The following ABLIM3 variants were observed in gnomAD, a reference collection of about 807,000 sequenced individuals.
The protein encoded by ABLIM3 is actin binding LIM protein family member 3, also known as actin-binding LIM protein 3.
Under a neutral mutation model 109.5 loss-of-function variants are expected in ABLIM3, and 61 were observed. The observed-to-expected ratio is 0.56, with a 90% CI of 0.45 to 0.69. The LOEUF is 0.69. Ranked by LOEUF, ABLIM3 falls within the 30% of genes least tolerant of loss-of-function variation. The pLI, the probability that ABLIM3 is intolerant of heterozygous loss-of-function variation, is 0.00. For missense variants in ABLIM3, 796 were observed against 889.5 expected (o/e 0.89, Z 1.34); for synonymous variants, 300 against 324.8 (o/e 0.92, Z 0.82).
intron 2 of ABLIM3, among the ~76,000 whole-genome samples, chr5:149,162,298 G>A (rs1340764542): frequency 6.6e-6 from 1 of 152,090 alleles, no homozygotes; most frequent in Non-Finnish European, 1.5e-5. Context: ...AGCTTTATTG[G>A]GGTTATAGGT....
chr5:149,251,423 A>C lies in ABLIM3; in HGVS notation c.1849+4A>C. The C allele has an allele frequency of 6.2e-7, 1 of 1,614,074 alleles. No individual in the cohort carries two copies. Among genetic ancestry groups the C allele is most frequent in the East Asian group, 2.2e-5 (1 of 44,876 alleles). On this transcript the variant is annotated splice_donor_region_variant and intron_variant, in intron 21 of 23. Coordinates refer to ENST00000309868, the MANE Select transcript of ABLIM3 (RefSeq NM_014945.5). ...GCAGTCAACTGGGGCATGCGAGGTG[A>C]GTGCAGGCCTGCAGGGGGTCTGCAG... is the stretch of plus-strand genomic sequence containing the variant.
chr5:149,183,623 A>C, intron 3 of ABLIM3, 34 bp downstream of exon 3: 1 of 1,493,356 alleles, frequency 6.7e-7, no homozygotes, highest in Non-Finnish European at 8.9e-7. Flanking sequence ...CTCTTCTTAG[A>C]TTCCTGACCA....
intron 2 of ABLIM3, among the ~76,000 whole-genome samples, chr5:149,178,535 C>A (rs955566622): frequency 2.0e-5 from 3 of 152,198 alleles, no homozygotes; most frequent in African/African-American, 7.2e-5. Flanking sequence ...AGCATAGGTG[C>A]TCCTACCTTT....
At chr5:149,142,233 C>G in intron 2 of ABLIM3, 125 bp downstream of exon 2, 1 of 1,381,174 alleles carries the variant, frequency 7.2e-7, no homozygotes, top group Non-Finnish European at 1.0e-6. Flanking sequence ...GACCCCCAGG[C>G]TCTTTTTTGG....
rs1754757277 is a variant in ABLIM3, at chr5:149,259,893, G to A, written c.*1489G>A. The A allele has an allele frequency of 2.6e-6, 1 of 379,006 alleles. No individual in the cohort carries two copies. Among genetic ancestry groups the A allele is most frequent in the African/African-American group, 2.1e-5 (1 of 48,674 alleles). 23.5% of individuals were successfully genotyped at this position (379,006 alleles called of 1,614,324 possible). ...CAAACCCTCACTGAGCACCTCTGAT[G>A]TTGAGCACCTGCTGAATACTGAGCA... On this transcript the variant is annotated 3_prime_UTR_variant, in exon 24 of 24. Coordinates refer to ENST00000309868, the MANE Select transcript of ABLIM3 (RefSeq NM_014945.5).
At chr5:149,196,501 A>G (rs1034641317) in intron 3 of ABLIM3, among the ~76,000 whole-genome samples, 5 of 152,182 alleles carry the variant, frequency 3.3e-5, no homozygotes, top group African/African-American at 1.2e-4. Flanking sequence ...ATCAATGTGG[A>G]TGAGAGGTGT....
At chr5:149,142,334 C>G (rs1203622196) in intron 2 of ABLIM3, among the ~76,000 whole-genome samples, 1 of 152,234 alleles carries the variant, frequency 6.6e-6, no homozygotes, top group Admixed American at 6.5e-5. Flanking sequence ...CGCCGGCCGC[C>G]TCTCCTGGGA....
At chr5:149,210,950 T>C in intron 7 of ABLIM3, 131 bp downstream of exon 7, 1 of 805,752 alleles carries the variant, frequency 1.2e-6, no homozygotes, top group Non-Finnish European at 2.1e-6. Flanking sequence ...CTTTGCTTGC[T>C]ACATGACCTT....
intron 2 of ABLIM3, among the ~76,000 whole-genome samples, chr5:149,162,104 CT>C (rs1754430876): frequency 6.6e-6 from 1 of 152,206 alleles, no homozygotes; most frequent in Admixed American, 6.5e-5. Flanking sequence ...ATGAGAAAGC[CT>C]TTGCGTTAGC....
At chr5:149,238,734 C>T (rs571579040) in intron 11 of ABLIM3, among the ~76,000 whole-genome samples, 1 of 152,316 alleles carries the variant, frequency 6.6e-6, no homozygotes, top group African/African-American at 2.4e-5. Flanking sequence ...GAACTGCTGC[C>T]CTCTTCAGTC....
At chr5:149,164,082 G>T (rs552509734) in intron 2 of ABLIM3, 1 of 152,274 alleles carries the variant, frequency 6.6e-6, no homozygotes, top group South Asian at 2.1e-4. Context: ...TGTAGTAAAA[G>T]TTGCATAACC....
chr5:149,156,676 GCATGAGT>G (rs995465753), intron 2 of ABLIM3, among the ~76,000 whole-genome samples: 2 of 152,132 alleles, frequency 1.3e-5, no homozygotes, highest in Admixed American at 1.3e-4. Flanking sequence ...TCAGTTCTTG[GCATGAGT>G]CAGGTGTGAA....
At chr5:149,189,592 AG>A in intron 3 of ABLIM3, among the ~76,000 whole-genome samples, 1 of 152,256 alleles carries the variant, frequency 6.6e-6, no homozygotes, top group East Asian at 1.9e-4. Flanking sequence ...ATGTCCAATA[AG>A]CACATGAAAA....
chr5:149,150,912 A>C (rs1476079234), intron 2 of ABLIM3, among the ~76,000 whole-genome samples: 1 of 152,070 alleles, frequency 6.6e-6, no homozygotes, highest in Non-Finnish European at 1.5e-5. Flanking sequence ...GGAGGCAAAT[A>C]ATAGTGCCTC....
intron 8 of ABLIM3, among the ~76,000 whole-genome samples, chr5:149,226,512 C>A (rs978503167): frequency 1.3e-5 from 2 of 151,978 alleles, no homozygotes; most frequent in African/African-American, 2.4e-5. Flanking sequence ...AGAGAGGAAA[C>A]CTGCCGTAAG....
chr5:149,155,292 A>G (rs980703054), intron 2 of ABLIM3, among the ~76,000 whole-genome samples: 2 of 152,154 alleles, frequency 1.3e-5, no homozygotes, highest in African/African-American at 4.8e-5. Context: ...CTATTCACTC[A>G]TTCACTCGGG....
chr5:149,204,899 A>G (rs988930497), intron 5 of ABLIM3, among the ~76,000 whole-genome samples: 9 of 152,212 alleles, frequency 5.9e-5, no homozygotes, highest in African/African-American at 9.6e-5. Context: ...GGTTAAATTT[A>G]TCTCAGATGT....
At position 149,259,490 on chromosome 5, in the gene ABLIM3, A is replaced by AT; in HGVS notation, c.*1087dup. The AT allele has an allele frequency of 1.3e-6, 2 of 1,536,090 alleles. No individual in the cohort carries two copies. The highest frequency in any genetic ancestry group is 1.7e-6 in the Non-Finnish European group (2 of 1,146,912). On this transcript the variant is annotated 3_prime_UTR_variant, in exon 24 of 24. Transcript: ENST00000309868. Reference sequence around the variant, plus strand: ...TGGTCTGTGGGCTGGCAGGGCAACCATACCATACCCCCGCCAGTCCTCGGC... The same window carrying AT: ...TGGTCTGTGGGCTGGCAGGGCAACCATTACCATACCCCCGCCAGTCCTCGGC...
chr5:149,242,433 C>T lies in ABLIM3; in HGVS notation c.1304-58C>T. 2.6e-6 allele frequency: 4 copies of T among 1,564,626 alleles called. No individual in the cohort carries two copies. The South Asian group carries it at 3.3e-5, about 13-fold the overall frequency. ...GACCAAGTACTATCTCCTTTTCTCC[C>T]TTTTCTCCTGTCTCTCTCTCTCCCC... On this transcript the variant is annotated intron_variant, in intron 14 of 23. Coordinates refer to ENST00000309868, the MANE Select transcript of ABLIM3 (RefSeq NM_014945.5).
Sources: gnomAD v4.1 joint callset for allele counts (sites outside exome capture counted in the v4.1 genomes callset) on GRCh38, gnomAD v4.1.1 for gene constraint, MANE v1.5 for transcripts, NCBI Gene and HGNC (gene_info 2026-07-23, HGNC 2026-07-21) for gene names.